Variants in CHL1 observed in about 807,000 individuals in gnomAD.
The protein encoded by CHL1 is cell adhesion molecule L1 like, also known as neural cell adhesion molecule L1-like protein.
In CHL1, 96 loss-of-function variants were observed where a neutral mutation model predicts 141.9. The observed-to-expected ratio is 0.68, with a 90% confidence interval of 0.57 to 0.80. The LOEUF is 0.80. Among genes scored for constraint, CHL1 ranks in the 30% least tolerant of loss-of-function variants. The pLI, the probability that CHL1 is intolerant of heterozygous loss-of-function variation, is 0.00. For missense variants in CHL1, 1,820 were observed against 1,457.2 expected (o/e 1.25, Z -4.05); for synonymous variants, 613 against 502.2 (o/e 1.22, Z -2.95).
chr3:322,274 A>G (rs1419172540), intron 3 of CHL1, among the ~76,000 whole-genome samples: 2 of 151,248 alleles, frequency 1.3e-5, no homozygotes, highest in African/African-American at 4.9e-5. Flanking sequence ...AAACTCACTT[A>G]TCAGATTTAT....
intron 5 of CHL1, chr3:328,570 A>T: frequency 2.5e-6 from 1 of 393,734 alleles, no homozygotes; most frequent in Non-Finnish European, 4.5e-6. Flanking sequence ...CAGTAACCTT[A>T]TATCTAACAT....
intron 2 of CHL1, among the ~76,000 whole-genome samples, chr3:299,339 G>A (rs766097412): frequency 2.6e-5 from 4 of 152,154 alleles, no homozygotes; most frequent in Non-Finnish European, 5.9e-5. Flanking sequence ...AAGACTTTAG[G>A]GGAAGAGAAT....
intron 2 of CHL1, among the ~76,000 whole-genome samples, chr3:280,149 C>T (rs942959332): frequency 6.6e-6 from 1 of 150,886 alleles, no homozygotes; most frequent in Non-Finnish European, 1.5e-5. Flanking sequence ...TTTGCTAAGT[C>T]GGGATAAAAA....
chr3:349,146 T>TGGAGGA (rs1559292555), intron 9 of CHL1, among the ~76,000 whole-genome samples: 1 of 152,192 alleles, frequency 6.6e-6, no homozygotes, highest in Non-Finnish European at 1.5e-5. Context: ...GACAGACCAC[T>TGGAGGA]GGAGGAACTT....
At chr3:217,869 C>T (rs1700459907) in intron 1 of CHL1, among the ~76,000 whole-genome samples, 1 of 152,140 alleles carries the variant, frequency 6.6e-6, no homozygotes, top group African/African-American at 2.4e-5. Flanking sequence ...TTGGCTGTTG[C>T]ATGCAGAGTA....
At chr3:383,760 G>A (rs936602196) in intron 18 of CHL1, 56 bp from the exon 19 acceptor site, 46 of 1,270,906 alleles carry the variant, frequency 3.6e-5, no homozygotes, top group Non-Finnish European at 5.0e-5. Flanking sequence ...GTTGTGATAT[G>A]ATGACTTACC....
intron 3 of CHL1, among the ~76,000 whole-genome samples, chr3:324,672 T>C (rs1159004268): frequency 6.6e-6 from 1 of 151,814 alleles, no homozygotes; most frequent in East Asian, 1.9e-4. Flanking sequence ...AGAGTCTCAC[T>C]CTGTCACCCA....
chr3:360,795 T>G (rs1314532571), intron 12 of CHL1, among the ~76,000 whole-genome samples: 2 of 132,754 alleles, frequency 1.5e-5, no homozygotes, highest in Admixed American at 1.7e-4. Flanking sequence ...CCTGTGTCCA[T>G]GTGATCTCAT....
At chr3:250,789 G>A (rs1458560631) in intron 2 of CHL1, among the ~76,000 whole-genome samples, 1 of 152,064 alleles carries the variant, frequency 6.6e-6, no homozygotes, top group Non-Finnish European at 1.5e-5. Context: ...TTTTAAACCT[G>A]TGCCATGTGT....
chr3:317,151 A>T (rs1487320425), intron 2 of CHL1, among the ~76,000 whole-genome samples: 1 of 152,014 alleles, frequency 6.6e-6, no homozygotes, highest in African/African-American at 2.4e-5. Flanking sequence ...TTCCTGCAGG[A>T]GGTAAGGTCA....
At chr3:246,041 C>A (rs978807869) in intron 2 of CHL1, among the ~76,000 whole-genome samples, 1 of 152,074 alleles carries the variant, frequency 6.6e-6, no homozygotes, top group Admixed American at 6.6e-5. Context: ...CTTCCCAAAA[C>A]CTGATTAATC....
At chr3:249,295 C>T (rs1693464556) in intron 2 of CHL1, among the ~76,000 whole-genome samples, 1 of 152,128 alleles carries the variant, frequency 6.6e-6, no homozygotes, top group African/African-American at 2.4e-5. Flanking sequence ...TTTAGTCTGT[C>T]ATAATTGACT....
Position 319,744 on chromosome 3 carries a change from A to T in CHL1, c.-33A>T, listed in dbSNP as rs186146627. On this transcript the variant is annotated 5_prime_UTR_variant, in exon 3 of 28. Coordinates refer to ENST00000256509, the MANE Select transcript of CHL1 (RefSeq NM_006614.4). The stretch of plus-strand genomic sequence containing the variant: ...AGTGAGAGGAGACATTAAGATTTTC[A>T]TTCTTACCGGGTTGTCTTCTTCCTG... The T allele has an allele frequency of 6.9e-7, 1 of 1,439,894 alleles. No individual in the cohort carries two copies. The highest frequency in any genetic ancestry group is 1.7e-5 in the Admixed American group (1 of 58,260). 89.2% of individuals were successfully genotyped at this position (1,439,894 alleles called of 1,614,324 possible). A position where few individuals can be genotyped will look rare whatever the true frequency, so the allele number is the denominator to read the frequency against.
chr3:328,112 C>T (rs1386614424), intron 4 of CHL1, 55 bp from the exon 5 acceptor site: 2 of 1,387,212 alleles, frequency 1.4e-6, no homozygotes, highest in East Asian at 2.3e-5. Flanking sequence ...TTAATAAGTA[C>T]TCTAAACATA....
intron 1 of CHL1, among the ~76,000 whole-genome samples, chr3:208,528 T>C (rs1285373946): frequency 6.8e-6 from 1 of 147,762 alleles, no homozygotes; most frequent in African/African-American, 2.7e-5. Flanking sequence ...GCTACACTTT[T>C]GTTTCTGTGC....
intron 15 of CHL1, among the ~76,000 whole-genome samples, chr3:370,894 T>C (rs1705546944): frequency 6.6e-6 from 1 of 152,214 alleles, no homozygotes; most frequent in African/African-American, 2.4e-5. Flanking sequence ...TTTATCAATT[T>C]CCATGTAGTT....
chr3:407,168 GA>G lies in CHL1; in HGVS notation c.*1458del, dbSNP rs1411991954. ...TTCAGCGCTCGACATTTTATGGAAA[GA>G]TTTTTTTAACCTTACCACGAAATAC... On this transcript the variant is annotated 3_prime_UTR_variant, in exon 28 of 28. Transcript: ENST00000256509. 2 of 152,074 alleles carry G rather than the reference GA, an allele frequency of 1.3e-5. No individual in the cohort carries two copies. The highest frequency in any genetic ancestry group is 1.5e-5 in the Non-Finnish European group (1 of 67,996). 9.4% of individuals were successfully genotyped at this position (152,074 alleles called of 1,614,324 possible).
intron 10 of CHL1, among the ~76,000 whole-genome samples, chr3:353,026 G>C (rs1703395269): frequency 6.6e-6 from 1 of 152,144 alleles, no homozygotes; most frequent in Non-Finnish European, 1.5e-5. Context: ...TTTGCTGGTG[G>C]GCCTGGGCAA....
chr3:344,691 A>C lies in CHL1; in HGVS notation c.830A>C (p.Glu277Ala), dbSNP rs774685410. The C allele has an allele frequency of 6.2e-7, 1 of 1,613,774 alleles. No homozygotes were observed. The highest frequency in any genetic ancestry group is 8.5e-7 in the Non-Finnish European group (1 of 1,179,816). Residue 277 changes from glutamate (E) to alanine (A), a missense_variant, in exon 9 of 28, where the codon GAG becomes GCG. Transcript: ENST00000256509. ...TILKGEILLL[E>A]CFAEGLPTPQ... ...CTCAAAGGGGAAATCTTGCTGCTTG[A>C]GTGTTTTGCTGAAGGCTTGTGAGTA...
Sources: allele counts gnomAD v4.1 joint callset (sites outside exome capture counted in the v4.1 genomes callset), GRCh38; gene constraint gnomAD v4.1.1; transcripts MANE v1.5; gene names NCBI Gene and HGNC (gene_info 2026-07-23, HGNC 2026-07-21).